The following CLIP4 variants were observed in gnomAD, a reference collection of about 807,000 sequenced individuals.
The protein encoded by CLIP4 is CAP-Gly domain containing linker protein family member 4.
A neutral mutation model predicts 73.1 loss-of-function variants in CLIP4; 47 were observed. That is an observed-to-expected ratio of 0.64 (90% CI 0.51 to 0.82). CLIP4 has a LOEUF of 0.82. Among genes scored for constraint, CLIP4 ranks in the 40% least tolerant of loss-of-function variants. CLIP4 has a pLI of 0.00. For missense variants in CLIP4, 874 were observed against 852.9 expected (o/e 1.02, Z -0.31); for synonymous variants, 306 against 295.4 (o/e 1.04, Z -0.37).
At chr2:29,156,239 T>A in intron 9 of CLIP4, 115 bp from the exon 10 acceptor site, 1 of 647,412 alleles carries the variant, frequency 1.5e-6, no homozygotes, top group Non-Finnish European at 2.6e-6. Flanking sequence ...TGTTATCCAA[T>A]ATGTTTTCAG....
rs775373424 is a variant in CLIP4 at position 29,156,389 on chromosome 2, T to C, written c.1201T>C (p.Ser401Pro). The change falls in exon 10 of 16, where the codon TCA becomes CCA. Residue 401 changes from serine (S) to proline (P), a missense_variant. Ser to Pro is a moderately conservative substitution (Grantham distance 74). Transcript: ENST00000320081. Reference sequence around the variant, plus strand: ...ATCAAAAAAAGATAGTGCTTCTGAGTCAACACTTTCATTGCCTCCTGGTGA... The same window carrying C: ...ATCAAAAAAAGATAGTGCTTCTGAGCCAACACTTTCATTGCCTCCTGGTGA... ...MTSKKDSASE[S>P]TLSLPPGEEL... 1.3e-6 allele frequency: 2 copies of C among 1,589,042 alleles called. No homozygotes were observed. Among genetic ancestry groups the C allele is most frequent in the South Asian group, 1.2e-5 (1 of 85,638 alleles).
chr2:29,144,002 T>G, intron 7 of CLIP4, 57 bp downstream of exon 7: 2 of 1,401,584 alleles, frequency 1.4e-6, no homozygotes, highest in Non-Finnish European at 2.0e-6. Context: ...TGACCTATGT[T>G]CAAGGACACA....
Position 29,145,355 on chromosome 2 carries a change from GC to G in CLIP4, c.1014del (p.Lys339SerfsTer11), listed in dbSNP as rs1387551205. The G allele has an allele frequency of 6.2e-7, 1 of 1,609,196 alleles. No homozygotes were observed. ...SVGKVQYFKC[A>X]PKYGIFAPLS... ...TGGAAAAGTCCAGTACTTTAAATGT[GC>G]CCCCAAGTATGGTAAGGTTGATATT... On this transcript the variant is annotated frameshift_variant, in exon 8 of 16. Coordinates refer to ENST00000320081, the MANE Select transcript of CLIP4 (RefSeq NM_024692.6). LOFTEE classifies it high-confidence loss of function.
chr2:29,132,464 A>C, intron 4 of CLIP4: 1 of 527,500 alleles, frequency 1.9e-6, no homozygotes. Context: ...TTTCTGGATC[A>C]GGCCTCATGC....
intron 12 of CLIP4, among the ~76,000 whole-genome samples, chr2:29,162,787 A>G (rs773908032): frequency 2.0e-5 from 3 of 152,188 alleles, no homozygotes; most frequent in Non-Finnish European, 2.9e-5. Context: ...ATTACATAGT[A>G]GGAAATGGAC....
intron 6 of CLIP4, among the ~76,000 whole-genome samples, chr2:29,142,663 C>T (rs139595054): frequency 8.5e-5 from 13 of 152,208 alleles, no homozygotes; most frequent in East Asian, 7.7e-4. Flanking sequence ...CAAAAAAATG[C>T]GAAGCAATTG....
At chr2:29,144,001 T>G in intron 7 of CLIP4, 56 bp downstream of exon 7, 12 of 1,413,700 alleles carry the variant, frequency 8.5e-6, no homozygotes, top group Non-Finnish European at 1.1e-5. Flanking sequence ...ATGACCTATG[T>G]TCAAGGACAC....
intron 2 of CLIP4, among the ~76,000 whole-genome samples, chr2:29,125,972 C>T (rs1397428205): frequency 1.3e-5 from 2 of 152,072 alleles, no homozygotes; most frequent in Non-Finnish European, 2.9e-5. Context: ...GTTAGGAGTT[C>T]AAGACCAGCC....
At chr2:29,117,423 A>C (rs1366356662) in intron 1 of CLIP4, among the ~76,000 whole-genome samples, 3 of 150,090 alleles carry the variant, frequency 2.0e-5, no homozygotes, top group African/African-American at 7.4e-5. Context: ...TCCTCACTGC[A>C]ATCTCTGCCT....
At position 29,163,434 on chromosome 2, in the gene CLIP4, T is replaced by G. The variant is rs905663061; in HGVS notation, c.1535-397T>G. Among the ~76,000 whole-genome samples, 14 of 152,294 alleles carry G rather than the reference T, an allele frequency of 9.2e-5. No individual in the cohort carries two copies. In the East Asian group the frequency reaches 2.1e-3, roughly 23 times the overall value. On this transcript the variant is annotated intron_variant, in intron 12 of 15. Coordinates refer to ENST00000320081, the MANE Select transcript of CLIP4 (RefSeq NM_024692.6). The stretch of plus-strand genomic sequence containing the variant: ...GTAAGATGAAAAGATTGCATGTTCA[T>G]TTTATGATTTTTAAATCTCAATATT...
intron 10 of CLIP4, 106 bp downstream of exon 10, chr2:29,156,549 G>C: frequency 2.6e-6 from 2 of 766,534 alleles, no homozygotes; most frequent in Non-Finnish European, 4.1e-6. Context: ...AAGTTGGCAA[G>C]GGAAAAATTA....
chr2:29,130,936 G>C (rs1308466292), intron 2 of CLIP4: 1 of 1,285,720 alleles, frequency 7.8e-7, no homozygotes, highest in African/African-American at 1.5e-5. Flanking sequence ...GATAGACTTT[G>C]GAGACAGACC....
chr2:29,147,395 G>A (rs1467040840), intron 8 of CLIP4, among the ~76,000 whole-genome samples: 1 of 152,042 alleles, frequency 6.6e-6, no homozygotes, highest in Non-Finnish European at 1.5e-5. Context: ...TGTCTAGCTT[G>A]TCATTTGCCT....
intron 11 of CLIP4, 146 bp downstream of exon 11, chr2:29,157,493 C>T (rs564000258): frequency 1.7e-6 from 2 of 1,200,858 alleles, no homozygotes; most frequent in East Asian, 2.5e-5. Context: ...CTCCCCCGAA[C>T]CTTAAGCCTT....
intron 1 of CLIP4, among the ~76,000 whole-genome samples, chr2:29,108,977 C>T (rs572185922): frequency 1.3e-5 from 2 of 152,182 alleles, no homozygotes; most frequent in Non-Finnish European, 2.9e-5. Flanking sequence ...TCCCCTCAGC[C>T]ATTTTTTGGT....
intron 6 of CLIP4, among the ~76,000 whole-genome samples, chr2:29,137,151 T>A (rs562324133): frequency 1.1e-4 from 17 of 152,166 alleles, no homozygotes; most frequent in African/African-American, 4.1e-4. Context: ...GAACATACCC[T>A]AGCCCTTCCC....
upstream of CLIP4, chr2:29,115,400 C>T (rs1305066523): frequency 6.6e-6 from 1 of 151,328 alleles, no homozygotes; most frequent in Non-Finnish European, 1.5e-5. The surrounding 1 kb of genome is among the most constrained non-coding windows in gnomAD (Gnocchi z 5.1). Context: ...AGCGCAGGCG[C>T]GCGCTGCCTC....
In CLIP4 at chr2:29,166,668, A is replaced by C. The variant is rs1286610211; in HGVS notation, c.1659-808A>C. ...TACTTCTAGAATTCACTCCCTCTCAACTGTCTGTTACTACTTCATTCAAAT... is the reference window on the plus strand; with the variant it reads ...TACTTCTAGAATTCACTCCCTCTCACCTGTCTGTTACTACTTCATTCAAAT... On this transcript the variant is annotated intron_variant, in intron 13 of 15. Transcript: ENST00000320081. Among the ~76,000 whole-genome samples, 4 of 151,990 alleles carry C rather than the reference A, an allele frequency of 2.6e-5. No individual in the cohort carries two copies. The East Asian group carries it at 7.7e-4, about 29-fold the overall frequency.
At chr2:29,105,878 T>G (rs1668188637) in intron 1 of CLIP4, among the ~76,000 whole-genome samples, 2 of 152,080 alleles carry the variant, frequency 1.3e-5, no homozygotes, top group South Asian at 4.1e-4. Flanking sequence ...CTTCCTAGAG[T>G]CTAGAACCAT....
Sources: allele counts gnomAD v4.1 joint callset (sites outside exome capture counted in the v4.1 genomes callset), GRCh38; gene constraint gnomAD v4.1.1; non-coding constraint Gnocchi (gnomAD v3.1); transcripts MANE v1.5; gene names NCBI Gene and HGNC (gene_info 2026-07-23, HGNC 2026-07-21).